The following CSMD1 variants were observed in gnomAD, a reference collection of about 807,000 sequenced individuals.
The protein encoded by CSMD1 is CUB and sushi domain-containing protein 1.
CSMD1 carries 213 observed loss-of-function variants against 417.5 expected under a neutral mutation model. That is an observed-to-expected ratio of 0.51 (90% CI 0.46 to 0.57). The LOEUF is 0.57. Among genes scored for constraint, CSMD1 ranks in the 20% least tolerant of loss-of-function variants. The pLI, the probability that CSMD1 is intolerant of heterozygous loss-of-function variation, is 0.00. For missense variants in CSMD1, 6,923 were observed against 4,529.7 expected (o/e 1.53, Z -15.17); for synonymous variants, 2,862 against 1,736.8 (o/e 1.65, Z -16.11).
intron 6 of CSMD1, among the ~76,000 whole-genome samples, chr8:3,749,089 T>G (rs112726633): frequency 6.6e-5 from 10 of 152,310 alleles, no homozygotes; most frequent in Non-Finnish European, 1.3e-4. Flanking sequence ...GGGGCCCTCA[T>G]GGTTCAAGAT....
chr8:4,412,825 G>C (rs1041235691), intron 3 of CSMD1, among the ~76,000 whole-genome samples: 1 of 152,166 alleles, frequency 6.6e-6, no homozygotes, highest in African/African-American at 2.4e-5. Flanking sequence ...AGGCCTGTAT[G>C]TGAAACCAAA....
chr8:3,264,478 G>C (rs1801293760), intron 26 of CSMD1, among the ~76,000 whole-genome samples: 3 of 152,136 alleles, frequency 2.0e-5, no homozygotes, highest in South Asian at 4.1e-4. Flanking sequence ...GAGGTGATCA[G>C]GAGGCCAAAG....
intron 10 of CSMD1, among the ~76,000 whole-genome samples, chr8:3,569,314 C>G (rs1306135260): frequency 6.6e-6 from 1 of 152,040 alleles, no homozygotes; most frequent in African/African-American, 2.4e-5. Context: ...GCTAAGATTC[C>G]GCAAGTAATT....
chr8:3,115,287 C>T lies in CSMD1; in HGVS notation c.6430+3112G>A, dbSNP rs182309541. 6.4e-3 allele frequency among the ~76,000 whole-genome samples: 955 copies of T among 150,070 alleles called. 13 individuals carry two copies. Among genetic ancestry groups the T allele is most frequent in the African/African-American group, 0.022 (904 of 41,050 alleles). ...CGCTATCTTGGCTCACTGCAACCTC[C>T]GCCTTCTGCGTTCAAGTGATTCTCC... On this transcript the variant is annotated intron_variant, in intron 42 of 69. Transcript: ENST00000635120.
chr8:3,797,205 G>C (rs75464962), intron 5 of CSMD1, among the ~76,000 whole-genome samples: 1 of 151,822 alleles, frequency 6.6e-6, no homozygotes, highest in Admixed American at 6.6e-5. Flanking sequence ...ACTTCAATCT[G>C]AAATATCAAA....
intron 12 of CSMD1, among the ~76,000 whole-genome samples, chr8:3,428,451 C>G (rs907591837): frequency 1.3e-5 from 2 of 152,050 alleles, no homozygotes; most frequent in African/African-American, 4.8e-5. Flanking sequence ...TTAAATCACC[C>G]CAAACTGTTT....
At chr8:3,727,957 G>T (rs532989548) in intron 6 of CSMD1, among the ~76,000 whole-genome samples, 1 of 152,240 alleles carries the variant, frequency 6.6e-6, no homozygotes, top group African/African-American at 2.4e-5. Flanking sequence ...GGTAATGAGA[G>T]TTTAATGGGT....
intron 12 of CSMD1, among the ~76,000 whole-genome samples, chr8:3,418,713 T>A (rs1813308283): frequency 6.6e-6 from 1 of 152,080 alleles, no homozygotes; most frequent in Admixed American, 6.6e-5. Flanking sequence ...TACATTAACA[T>A]CACAGGACAT....
rs1812464008 is a variant in CSMD1 at position 3,408,116 on chromosome 8, T to G, written c.1854A>C (p.Pro618=). 6.2e-7 allele frequency: 1 copy of G among 1,613,800 alleles called. No individual in the cohort carries two copies. The highest frequency in any genetic ancestry group is 1.3e-5 in the African/African-American group (1 of 74,916). The stretch of plus-strand genomic sequence containing the variant: ...TAAAGATTAGGTGAATTCGACTTCC[T>G]GGCTCCGAGATAATCAACCAGACAC... ...MNCVWLIISE[P]GSRIHLIFND... The change falls in exon 14 of 70, where the codon CCA becomes CCC. Residue 618 remains proline, a synonymous_variant. Transcript: ENST00000635120.
chr8:3,394,743 C>T (rs375380768), intron 17 of CSMD1, among the ~76,000 whole-genome samples: 21 of 151,964 alleles, frequency 1.4e-4, no homozygotes, highest in East Asian at 5.8e-4. Flanking sequence ...AGTGACAACT[C>T]GAATGGACAT....
intron 3 of CSMD1, among the ~76,000 whole-genome samples, chr8:4,292,636 C>CAG (rs1200004271): frequency 6.6e-6 from 1 of 152,112 alleles, no homozygotes; most frequent in Non-Finnish European, 1.5e-5. Flanking sequence ...TTCTGTGCCT[C>CAG]AGTCTTGCAT....
At chr8:3,655,924 G>A (rs767845077) in intron 7 of CSMD1, among the ~76,000 whole-genome samples, 3 of 152,148 alleles carry the variant, frequency 2.0e-5, no homozygotes, top group Non-Finnish European at 4.4e-5. Context: ...GGAATGAAGA[G>A]CAGGACTGGA....
chr8:3,523,121 T>C (rs967330752), intron 10 of CSMD1, among the ~76,000 whole-genome samples: 1 of 151,928 alleles, frequency 6.6e-6, no homozygotes, highest in Non-Finnish European at 1.5e-5. Context: ...TGCACATTTT[T>C]CCTAAACACG....
At chr8:2,950,074 A>G (rs951394003) in intron 67 of CSMD1, among the ~76,000 whole-genome samples, 157 bp downstream of exon 67, 4 of 152,148 alleles carry the variant, frequency 2.6e-5, no homozygotes, top group Non-Finnish European at 5.9e-5. Flanking sequence ...ATGAAGGAAT[A>G]AAATGGCCAC....
chr8:2,963,481 T>G, intron 59 of CSMD1, 86 bp from the exon 60 acceptor site: 1 of 1,382,108 alleles, frequency 7.2e-7, no homozygotes, highest in Non-Finnish European at 1.0e-6. Context: ...TAATTTTACC[T>G]GAATTACAAA....
intron 3 of CSMD1, among the ~76,000 whole-genome samples, chr8:4,346,660 T>G (rs1046926769): frequency 1.3e-5 from 2 of 152,332 alleles, no homozygotes; most frequent in South Asian, 2.1e-4. Flanking sequence ...ATTGCAATTT[T>G]GAATTTTTTT....
At chr8:4,095,246 T>G (rs1039379532) in intron 3 of CSMD1, among the ~76,000 whole-genome samples, 4 of 152,204 alleles carry the variant, frequency 2.6e-5, no homozygotes, top group African/African-American at 9.6e-5. Flanking sequence ...ATCTTTCATG[T>G]TCCCTAAGAG....
At chr8:3,888,464 C>T (rs1237734290) in intron 5 of CSMD1, among the ~76,000 whole-genome samples, 2 of 152,150 alleles carry the variant, frequency 1.3e-5, no homozygotes, top group Admixed American at 6.6e-5. Context: ...TAAAAAGAAG[C>T]GCCATTTAGG....
chr8:4,314,230 A>G (rs909708299), intron 3 of CSMD1, among the ~76,000 whole-genome samples: 7 of 152,058 alleles, frequency 4.6e-5, no homozygotes, highest in African/African-American at 1.7e-4. Context: ...TAGTTAAGTC[A>G]CAACACAATG....
Sources: gnomAD v4.1 joint callset for allele counts (sites outside exome capture counted in the v4.1 genomes callset) on GRCh38, gnomAD v4.1.1 for gene constraint, MANE v1.5 for transcripts, NCBI Gene and HGNC (gene_info 2026-07-23, HGNC 2026-07-21) for gene names.